FANCD2: variants seen among roughly 807,000 people sequenced by gnomAD.
FANCD2 encodes FA complementation group D2, also known as Fanconi anemia group D2 protein.
In FANCD2, 131 loss-of-function variants were observed where a neutral mutation model predicts 192.3. That is an observed-to-expected ratio of 0.68 (90% CI 0.59 to 0.79). The LOEUF is 0.79. Among genes scored for constraint, FANCD2 ranks in the 30% least tolerant of loss-of-function variants. FANCD2 has a pLI of 0.00. For synonymous variants in FANCD2, 524 were observed against 612.5 expected, an observed-to-expected ratio of 0.86 and a Z score of 2.13; for missense variants, 1,508 against 1,701.6, an observed-to-expected ratio of 0.89 and a Z score of 2.00.
In FANCD2 at chr3:10,065,506, A is replaced by G. The variant is rs34751191; in HGVS notation, c.2269+12A>G. On this transcript the variant is annotated intron_variant, in intron 24 of 43. Transcript: ENST00000675286. The stretch of plus-strand genomic sequence containing the variant: ...TGATGGTCTACTAGGTATGGGATGA[A>G]GTCATCAGATCCTTTCTTCTTTATA... 1.1e-4 allele frequency: 164 copies of G among 1,518,564 alleles called. No individual in the cohort carries two copies. The African/African-American group carries it at 2.1e-3, about 20-fold the overall frequency. The allele number at this position is 1,518,564 out of a possible 1,614,324, so 94.1% of individuals were successfully genotyped here. A position where few individuals can be genotyped will look rare whatever the true frequency, so the allele number is the denominator to read the frequency against.
intron 21 of FANCD2, 94 bp from the exon 22 acceptor site, chr3:10,064,262 G>A (rs541823267): frequency 3.5e-5 from 32 of 902,350 alleles, no homozygotes; most frequent in Non-Finnish European, 6.0e-5. Context: ...TAGAAATGAG[G>A]GAACTGAGAC....
chr3:10,056,671 A>G (rs1273052799), intron 18 of FANCD2, among the ~76,000 whole-genome samples: 3 of 152,134 alleles, frequency 2.0e-5, no homozygotes, highest in East Asian at 3.8e-4. Flanking sequence ...ACCTGGGACT[A>G]CAGGTACCTG....
rs55926585 is a variant in FANCD2, at chr3:10,042,757, C to T, written c.888+94C>T. On this transcript the variant is annotated intron_variant, in intron 11 of 43. Transcript: ENST00000675286. ...GACTAACTGAGAATACTGACTAATC[C>T]GGATAGCATTCAGAGGAGAGAATGG... 337 of 983,828 alleles carry T rather than the reference C, an allele frequency of 3.4e-4. 4 individuals are homozygous for T. Among genetic ancestry groups the T allele is most frequent in the Middle Eastern group, 2.9e-3 (14 of 4,866 alleles). 60.9% of individuals were successfully genotyped at this position (983,828 alleles called of 1,614,324 possible).
In FANCD2 at chr3:10,049,356, T is replaced by C; in HGVS notation, c.1414-18T>C. 2 of 1,593,956 alleles carry C rather than the reference T, an allele frequency of 1.3e-6. No individual in the cohort carries two copies. Among genetic ancestry groups the C allele is most frequent in the South Asian group, 1.1e-5 (1 of 90,396 alleles). ...CATATTTTGTTTTACACTGTTCTGTTGACTCTCCCCTGTATAGGAAGTGGT... is the reference window on the plus strand; with the variant it reads ...CATATTTTGTTTTACACTGTTCTGTCGACTCTCCCCTGTATAGGAAGTGGT... On this transcript the variant is annotated intron_variant, in intron 16 of 43. Transcript: ENST00000675286.
intron 10 of FANCD2, among the ~76,000 whole-genome samples, chr3:10,042,222 T>G (rs2124990568): frequency 1.3e-5 from 2 of 152,174 alleles, no homozygotes; most frequent in Middle Eastern, 3.4e-3. Context: ...AGCAGTAAGT[T>G]TTGAGTGGAA....
chr3:10,092,684 C>CTTT lies in FANCD2; in HGVS notation c.3849+456_3849+458dup, dbSNP rs565351425. On this transcript the variant is annotated intron_variant, in intron 38 of 43. Transcript: ENST00000675286. Reference sequence around the variant, plus strand: ...CCTTGTCTCTCCACCTCTTTCATGTCTTTTTTTTTTTTTTTTTTTTTTTTT... The same window carrying CTTT: ...CCTTGTCTCTCCACCTCTTTCATGTCTTTTTTTTTTTTTTTTTTTTTTTTTTTT... Among the ~76,000 whole-genome samples the CTTT allele has an allele frequency of 5.6e-5, 4 of 72,050 alleles. 1 individual carries two copies. Among genetic ancestry groups the CTTT allele is most frequent in the Non-Finnish European group, 4.7e-5 (2 of 42,438 alleles). The allele number at this position is 72,050 out of a possible 152,430, so 47.3% of individuals were successfully genotyped here.
intron 32 of FANCD2, among the ~76,000 whole-genome samples, chr3:10,084,047 G>A (rs1694019275): frequency 6.6e-6 from 1 of 151,714 alleles, no homozygotes; most frequent in Non-Finnish European, 1.5e-5. Context: ...AGGCTGGAGT[G>A]CAGTGGCGCG....
chr3:10,042,510 G>A (rs776562018), intron 10 of FANCD2, 49 bp from the exon 11 acceptor site: 1 of 1,316,302 alleles, frequency 7.6e-7, no homozygotes, highest in Non-Finnish European at 1.1e-6. Flanking sequence ...GTACAAAGTT[G>A]AGGTAGTGAC....
chr3:10,065,156 G>A (rs2087683012), intron 23 of FANCD2, among the ~76,000 whole-genome samples: 1 of 152,134 alleles, frequency 6.6e-6, no homozygotes, highest in African/African-American at 2.4e-5. Flanking sequence ...GGGCAGTGTG[G>A]CATGCACCTA....
At chr3:10,051,473 G>A (rs542681374) in intron 17 of FANCD2, among the ~76,000 whole-genome samples, 2 of 140,680 alleles carry the variant, frequency 1.4e-5, no homozygotes, top group African/African-American at 5.1e-5. Context: ...GGAGGCAGAG[G>A]CTATTGGCTT....
At position 10,101,503 on chromosome 3, in the gene FANCD2, A is replaced by T; in HGVS notation, c.*241A>T. On this transcript the variant is annotated 3_prime_UTR_variant, in exon 44 of 44. Coordinates refer to ENST00000675286, the MANE Select transcript of FANCD2 (RefSeq NM_001018115.3). ...TAGGTTCAAGCGATTCTCCTGCCTC[A>T]GCCTCCTGAGTAGCTGGGACGACAG... is the stretch of plus-strand genomic sequence containing the variant. The T allele has an allele frequency of 4.2e-6, 2 of 474,946 alleles. No individual in the cohort carries two copies. Among genetic ancestry groups the T allele is most frequent in the Non-Finnish European group, 7.7e-6 (2 of 260,458 alleles). 29.4% of individuals were successfully genotyped at this position (474,946 alleles called of 1,614,324 possible). A position where few individuals can be genotyped will look rare whatever the true frequency, so the allele number is the denominator to read the frequency against.
chr3:10,031,456 C>A (rs1348507739), intron 2 of FANCD2, among the ~76,000 whole-genome samples: 1 of 148,622 alleles, frequency 6.7e-6, no homozygotes, highest in Non-Finnish European at 1.5e-5. Flanking sequence ...GAGCCAAGAT[C>A]GCGCCACTGC....
At chr3:10,055,748 C>G (rs2087390316) in intron 18 of FANCD2, among the ~76,000 whole-genome samples, 1 of 151,706 alleles carries the variant, frequency 6.6e-6, no homozygotes, top group Non-Finnish European at 1.5e-5. Flanking sequence ...GGATACGGAG[C>G]TTGCAGTGAG....
chr3:10,052,998 TACC>T (rs2087262917), intron 18 of FANCD2, among the ~76,000 whole-genome samples: 1 of 133,046 alleles, frequency 7.5e-6, no homozygotes, highest in Non-Finnish European at 1.6e-5. Flanking sequence ...GAACTAGAAA[TACC>T]ATTTGACCCA....
At position 10,031,302 on chromosome 3, in the gene FANCD2, G is replaced by A. The variant is rs1163061621; in HGVS notation, c.65-1530G>A. Among the ~76,000 whole-genome samples, 8 of 152,220 alleles carry A rather than the reference G, an allele frequency of 5.3e-5. No homozygotes were observed. In the East Asian group the frequency reaches 1.5e-3, roughly 29 times the overall value. The stretch of plus-strand genomic sequence containing the variant: ...GCAGATCACGAGGTCAGGAGATTGA[G>A]ACCATCTTGGCTAACATGGTGAAAC... On this transcript the variant is annotated intron_variant, in intron 2 of 43. Coordinates refer to ENST00000675286, the MANE Select transcript of FANCD2 (RefSeq NM_001018115.3).
At chr3:10,040,038 T>C (rs982929426) in intron 9 of FANCD2, 193 bp downstream of exon 9, 17 of 555,914 alleles carry the variant, frequency 3.1e-5, no homozygotes, top group Non-Finnish European at 4.9e-5. Flanking sequence ...ACTTTCTTTT[T>C]TTTTTTTTTT....
intron 19 of FANCD2, 66 bp from the exon 20 acceptor site, chr3:10,062,085 G>T: frequency 5.8e-6 from 7 of 1,215,004 alleles, no homozygotes; most frequent in Non-Finnish European, 8.3e-6. Flanking sequence ...AAACCTGCAC[G>T]TTGTGCACAT....
In FANCD2 at chr3:10,054,439, GTATATACATATATATATA is replaced by G. The variant is rs2087331690; in HGVS notation, c.1656+1949_1656+1966del. On this transcript the variant is annotated intron_variant, in intron 18 of 43. Transcript: ENST00000675286. ...TATACATATATACATGTATATACAT[GTATATACATATATATATA>G]TATATATATATATATATTTTTTTTT... Among the ~76,000 whole-genome samples, 8 of 40,284 alleles carry G rather than the reference GTATATACATATATATATA, an allele frequency of 2.0e-4. 1 individual carries two copies. The highest frequency in any genetic ancestry group is 1.6e-3 in the African/African-American group (8 of 4,940). The allele number at this position is 40,284 out of a possible 152,430, so 26.4% of individuals were successfully genotyped here.
In FANCD2 at chr3:10,060,326, C is replaced by G. The variant is rs1281020807; in HGVS notation, c.1689C>G (p.Leu563=). 3 of 1,612,754 alleles carry G rather than the reference C, an allele frequency of 1.9e-6. No homozygotes were observed. The African/African-American group carries it at 4.0e-5, about 22-fold the overall frequency. ...TGCACTTGGTGATAAGAAAGCAGCTCTCTAGCACCGTATTCAAGTACAAGC... is the reference window on the plus strand; with the variant it reads ...TGCACTTGGTGATAAGAAAGCAGCTGTCTAGCACCGTATTCAAGTACAAGC... The part of the protein sequence containing the change: ...DDMHLVIRKQ[L]SSTVFKYKLI... Residue 563 remains leucine, a synonymous_variant, in exon 19 of 44, where the codon CTC becomes CTG. Coordinates refer to ENST00000675286, the MANE Select transcript of FANCD2 (RefSeq NM_001018115.3).
Sources: gnomAD v4.1 joint callset for allele counts (sites outside exome capture counted in the v4.1 genomes callset) on GRCh38, gnomAD v4.1.1 for gene constraint, MANE v1.5 for transcripts, NCBI Gene and HGNC (gene_info 2026-07-23, HGNC 2026-07-21) for gene names.